The following APBA2 variants were observed in gnomAD, a reference collection of about 807,000 sequenced individuals.
APBA2 encodes the protein amyloid-beta A4 precursor protein-binding family A member 2.
APBA2 carries 30 observed loss-of-function variants against 75.0 expected under a neutral mutation model. That is an observed-to-expected ratio of 0.40 (90% CI 0.30 to 0.54). The LOEUF (loss-of-function observed/expected upper bound fraction) is 0.54, where lower values mean the gene tolerates loss of function less well. Ranked by LOEUF, APBA2 falls within the 20% of genes least tolerant of loss-of-function variation. APBA2 has a pLI of 0.49. For missense variants in APBA2, 801 were observed against 1,016.1 expected, an observed-to-expected ratio of 0.79 and a Z score of 2.88; for synonymous variants, 444 against 409.6, an observed-to-expected ratio of 1.08 and a Z score of -1.01.
At chr15:29,080,473 G>A (rs1282758574) in intron 6 of APBA2, among the ~76,000 whole-genome samples, 1 of 152,124 alleles carries the variant, frequency 6.6e-6, no homozygotes, top group African/African-American at 2.4e-5. Context: ...CTCAGCAGAG[G>A]CATTGTGAGG....
chr15:29,065,030 C>T (rs536473954), intron 4 of APBA2, among the ~76,000 whole-genome samples: 31 of 149,768 alleles, frequency 2.1e-4, no homozygotes, highest in Non-Finnish European at 2.6e-4. Flanking sequence ...TGTGTGTGCA[C>T]GCACGCTTGT....
chr15:29,094,459 A>C, intron 8 of APBA2, 146 bp downstream of exon 8: 1 of 782,142 alleles, frequency 1.3e-6, no homozygotes, highest in Non-Finnish European at 2.2e-6. Flanking sequence ...GGTGAATCTT[A>C]GATGTTTGTA....
At chr15:28,968,089 C>T (rs560395599) in intron 2 of APBA2, among the ~76,000 whole-genome samples, 2 of 152,342 alleles carry the variant, frequency 1.3e-5, no homozygotes, top group East Asian at 1.9e-4. Flanking sequence ...ATAGTGTTCT[C>T]GCAACGTTGT....
chr15:28,987,542 A>G (rs1315010213), intron 2 of APBA2, among the ~76,000 whole-genome samples: 3 of 151,840 alleles, frequency 2.0e-5, no homozygotes, highest in Non-Finnish European at 2.9e-5. Context: ...CAGTGATTCA[A>G]GAGAGAGTAT....
intron 3 of APBA2, among the ~76,000 whole-genome samples, chr15:29,025,276 T>C (rs925121902): frequency 6.6e-6 from 1 of 151,244 alleles, no homozygotes; most frequent in South Asian, 2.1e-4. Context: ...TTTTTTTTTT[T>C]TTTTTTTGAG....
chr15:29,086,364 A>AT (rs1293063858), intron 6 of APBA2, among the ~76,000 whole-genome samples: 1 of 152,244 alleles, frequency 6.6e-6, no homozygotes, highest in Non-Finnish European at 1.5e-5. Context: ...AAACTCTCAG[A>AT]TAATCCACGG....
At chr15:29,092,091 C>T (rs981227621) in intron 6 of APBA2, among the ~76,000 whole-genome samples, 1 of 152,172 alleles carries the variant, frequency 6.6e-6, no homozygotes, top group East Asian at 1.9e-4. Flanking sequence ...CTCCTGGCCC[C>T]CTGATTTTGC....
At chr15:28,917,629 T>C (rs1210532148) in intron 1 of APBA2, among the ~76,000 whole-genome samples, 2 of 152,106 alleles carry the variant, frequency 1.3e-5, no homozygotes, top group African/African-American at 4.8e-5. Context: ...ATTGGTGTGG[T>C]ACATTCGTTA....
At chr15:29,027,372 T>G (rs1390265117) in intron 3 of APBA2, among the ~76,000 whole-genome samples, 1 of 152,206 alleles carries the variant, frequency 6.6e-6, no homozygotes, top group Non-Finnish European at 1.5e-5. Context: ...TATATTTTCT[T>G]AGAAAATCTT....
chr15:28,968,300 A>T (rs1449969313), intron 2 of APBA2, among the ~76,000 whole-genome samples: 1 of 152,232 alleles, frequency 6.6e-6, no homozygotes, highest in Non-Finnish European at 1.5e-5. Context: ...TTTTGGGTGT[A>T]TACTCAGAAG....
chr15:29,083,806 C>T lies in APBA2; in HGVS notation c.1069+7715C>T, dbSNP rs544961497. 2.6e-4 allele frequency among the ~76,000 whole-genome samples: 39 copies of T among 152,298 alleles called. No homozygotes were observed. In the South Asian group the frequency reaches 6.2e-3, roughly 24 times the overall value. On this transcript the variant is annotated intron_variant, in intron 6 of 14. Transcript: ENST00000683413. ...TCAGCCTCCCAAAGTGCTGGGATTA[C>T]AGGCATGAGCCACCGCGCCCGGCCC...
intron 1 of APBA2, among the ~76,000 whole-genome samples, chr15:28,888,517 C>G (rs1261145380): frequency 6.6e-6 from 1 of 152,208 alleles, no homozygotes; most frequent in Non-Finnish European, 1.5e-5. Context: ...CTGTCCTCTG[C>G]CACGCATACC....
At chr15:29,085,949 T>C (rs1307267193) in intron 6 of APBA2, among the ~76,000 whole-genome samples, 1 of 152,176 alleles carries the variant, frequency 6.6e-6, no homozygotes, top group Admixed American at 6.5e-5. Flanking sequence ...CCTCTTGGTA[T>C]TCATGGCTGT....
chr15:29,065,950 C>T (rs1054787148), intron 4 of APBA2, among the ~76,000 whole-genome samples: 20 of 152,238 alleles, frequency 1.3e-4, no homozygotes, highest in Admixed American at 6.5e-4. Flanking sequence ...GGTAGGGAGA[C>T]GCTGCTCCCC....
At chr15:29,061,925 A>T (rs1454638498) in intron 4 of APBA2, among the ~76,000 whole-genome samples, 1 of 152,188 alleles carries the variant, frequency 6.6e-6, no homozygotes, top group African/African-American at 2.4e-5. Context: ...CCCCTCCATC[A>T]GCGTGTGGTG....
intron 2 of APBA2, among the ~76,000 whole-genome samples, chr15:28,951,648 G>A (rs776080722): frequency 1.1e-4 from 17 of 151,908 alleles, no homozygotes; most frequent in Non-Finnish European, 2.4e-4. Flanking sequence ...GCAGTGGCAC[G>A]ATCTCCACTC....
chr15:28,981,475 A>T (rs75781237), intron 2 of APBA2, among the ~76,000 whole-genome samples: 11,580 of 152,298 alleles, frequency 0.076, 605 homozygotes, highest in East Asian at 0.27. Context: ...CACATCAGTC[A>T]GAATGGCTAT....
chr15:28,932,687 G>T (rs1470058000), intron 2 of APBA2, among the ~76,000 whole-genome samples: 1 of 152,194 alleles, frequency 6.6e-6, no homozygotes, highest in Non-Finnish European at 1.5e-5. Context: ...ATAGTGGATT[G>T]TTTAAAGCCA....
At chr15:28,982,215 A>T (rs2037661782) in intron 2 of APBA2, among the ~76,000 whole-genome samples, 1 of 152,214 alleles carries the variant, frequency 6.6e-6, no homozygotes. Flanking sequence ...ACACTTATAA[A>T]GAGTTAAGGA....
Sources: allele counts gnomAD v4.1 joint callset (sites outside exome capture counted in the v4.1 genomes callset), GRCh38; gene constraint gnomAD v4.1.1; transcripts MANE v1.5; gene names NCBI Gene and HGNC (gene_info 2026-07-23, HGNC 2026-07-21).